The following TRPC4 variants were observed in gnomAD, a reference collection of about 807,000 sequenced individuals.
The protein encoded by TRPC4 is transient receptor potential cation channel subfamily C member 4.
TRPC4 carries 49 observed loss-of-function variants against 99.4 expected under a neutral mutation model. That is an observed-to-expected ratio of 0.49 (90% CI 0.39 to 0.63). The LOEUF (loss-of-function observed/expected upper bound fraction) is 0.63. Among genes scored for constraint, TRPC4 ranks in the 20% least tolerant of loss-of-function variants. TRPC4 has a pLI of 0.00. For synonymous variants in TRPC4, 454 were observed against 425.9 expected (o/e 1.07, Z -0.81); for missense variants, 898 against 1,152.9 (o/e 0.78, Z 3.20).
At chr13:37,744,580 G>A (rs946091574) in intron 3 of TRPC4, among the ~76,000 whole-genome samples, 2 of 152,130 alleles carry the variant, frequency 1.3e-5, no homozygotes, top group Non-Finnish European at 2.9e-5. Context: ...AAAAAATTGA[G>A]AAAGCAAGTT....
chr13:37,725,952 C>G (rs554954131), intron 3 of TRPC4, among the ~76,000 whole-genome samples: 4 of 152,240 alleles, frequency 2.6e-5, no homozygotes, highest in African/African-American at 9.6e-5. Context: ...AATTCCAGCA[C>G]TTTGGGAGGC....
At chr13:37,738,584 A>C (rs1955476701) in intron 3 of TRPC4, among the ~76,000 whole-genome samples, 1 of 152,126 alleles carries the variant, frequency 6.6e-6, no homozygotes, top group Non-Finnish European at 1.5e-5. Context: ...ACTAGTTTGA[A>C]AGTGGGATAT....
At chr13:37,829,873 G>A (rs1185753521) in intron 1 of TRPC4, among the ~76,000 whole-genome samples, 1 of 152,030 alleles carries the variant, frequency 6.6e-6, no homozygotes, top group African/African-American at 2.4e-5. Context: ...TCTAAGTTAG[G>A]GAAGTCAGAC....
At chr13:37,813,903 A>G (rs973587448) in intron 1 of TRPC4, among the ~76,000 whole-genome samples, 5 of 151,866 alleles carry the variant, frequency 3.3e-5, no homozygotes, top group African/African-American at 9.7e-5. Context: ...ACAAGCCAGT[A>G]TATCTATGAA....
chr13:37,691,339 C>T (rs747127020), intron 4 of TRPC4, among the ~76,000 whole-genome samples: 1 of 152,118 alleles, frequency 6.6e-6, no homozygotes, highest in East Asian at 1.9e-4. Flanking sequence ...CTCCTGACCT[C>T]GTGATCCGCC....
intron 3 of TRPC4, among the ~76,000 whole-genome samples, chr13:37,743,342 G>T (rs1425405451): frequency 6.6e-6 from 1 of 152,082 alleles, no homozygotes; most frequent in Non-Finnish European, 1.5e-5. Flanking sequence ...TGAGAGAAGT[G>T]TTGGAAATTA....
At chr13:37,802,988 A>G (rs1309530015) in intron 1 of TRPC4, among the ~76,000 whole-genome samples, 1 of 151,842 alleles carries the variant, frequency 6.6e-6, no homozygotes, top group Non-Finnish European at 1.5e-5. Flanking sequence ...ATTTATCCAT[A>G]TCATTTATTT....
At chr13:37,712,082 G>A (rs193201885) in intron 3 of TRPC4, among the ~76,000 whole-genome samples, 8 of 151,950 alleles carry the variant, frequency 5.3e-5, no homozygotes, top group African/African-American at 1.7e-4. Flanking sequence ...TAGTGGCTAC[G>A]ATATTGGAAA....
At chr13:37,854,955 G>A (rs1959147177) in intron 1 of TRPC4, 1 of 151,832 alleles carries the variant, frequency 6.6e-6, no homozygotes, top group South Asian at 2.1e-4. Context: ...TGAATTCAGG[G>A]TCACATGGCT....
chr13:37,635,209 A>G lies in TRPC4; in HGVS notation c.*1694T>C, dbSNP rs1046774288. 1.3e-5 allele frequency among the ~76,000 whole-genome samples: 2 copies of G among 152,126 alleles called. No homozygotes were observed. The highest frequency in any genetic ancestry group is 2.9e-5 in the Non-Finnish European group (2 of 68,000). ...CAGAAGTGGCAATTGTAACCCCTGT[A>G]TATGCATGTTTTATAACTTGCTCTT... is the stretch of plus-strand genomic sequence containing the variant. On this transcript the variant is annotated 3_prime_UTR_variant, in exon 11 of 11. Transcript: ENST00000379705.
At chr13:37,668,968 T>G in intron 5 of TRPC4, among the ~76,000 whole-genome samples, 1 of 152,104 alleles carries the variant, frequency 6.6e-6, no homozygotes, top group East Asian at 1.9e-4. Context: ...CTTTCTGCCA[T>G]AAAACTAAAG....
At chr13:37,810,549 G>A (rs936641558) in intron 1 of TRPC4, among the ~76,000 whole-genome samples, 1 of 152,062 alleles carries the variant, frequency 6.6e-6, no homozygotes, top group Non-Finnish European at 1.5e-5. Context: ...GGATGGAAGA[G>A]TTCACTCTTG....
intron 1 of TRPC4, among the ~76,000 whole-genome samples, chr13:37,853,244 G>A (rs1414314615): frequency 2.6e-5 from 4 of 152,146 alleles, no homozygotes; most frequent in African/African-American, 9.7e-5. Flanking sequence ...TTCCAGCTGG[G>A]TCAGCCCAGA....
At chr13:37,686,783 T>C (rs1953496588) in intron 4 of TRPC4, among the ~76,000 whole-genome samples, 1 of 152,150 alleles carries the variant, frequency 6.6e-6, no homozygotes, top group African/African-American at 2.4e-5. Context: ...TTACATCTTT[T>C]CCTCAGTTCA....
chr13:37,633,575 T>A lies in TRPC4; in HGVS notation c.*3328A>T, dbSNP rs1453058635. On this transcript the variant is annotated 3_prime_UTR_variant, in exon 11 of 11. Coordinates refer to ENST00000379705, the MANE Select transcript of TRPC4 (RefSeq NM_016179.4). ...GTTTCCTCCACCTTTGCTAGAAAAT[T>A]GACTTTGCTTCTTTGAGAACAGCAT... 6.6e-6 allele frequency among the ~76,000 whole-genome samples: 1 copy of A among 152,198 alleles called. No individual in the cohort carries two copies. Among genetic ancestry groups the A allele is most frequent in the Non-Finnish European group, 1.5e-5 (1 of 68,018 alleles).
At chr13:37,763,366 CT>C in intron 2 of TRPC4, among the ~76,000 whole-genome samples, 1 of 151,564 alleles carries the variant, frequency 6.6e-6, no homozygotes, top group Admixed American at 6.6e-5. Context: ...GAGTTTTCCC[CT>C]GATTGGTTCT....
At chr13:37,858,177 T>C (rs1012207888) in intron 1 of TRPC4, among the ~76,000 whole-genome samples, 1 of 151,580 alleles carries the variant, frequency 6.6e-6, no homozygotes, top group Non-Finnish European at 1.5e-5. Context: ...CCCAACATTA[T>C]TGACCATAAG....
At chr13:37,856,947 G>A (rs1437059336) in intron 1 of TRPC4, among the ~76,000 whole-genome samples, 4 of 151,476 alleles carry the variant, frequency 2.6e-5, no homozygotes, top group African/African-American at 9.7e-5. Flanking sequence ...CATAGAAATG[G>A]GGAAGAATTG....
At position 37,863,365 on chromosome 13, in the gene TRPC4, G is replaced by C. The variant is rs61955714; in HGVS notation, c.-28+6230C>G. 2.9e-3 allele frequency among the ~76,000 whole-genome samples: 447 copies of C among 151,604 alleles called. 4 individuals carry two copies. The highest frequency in any genetic ancestry group is 6.8e-3 in the Admixed American group (104 of 15,216). On this transcript the variant is annotated intron_variant, in intron 1 of 10. Coordinates refer to ENST00000379705, the MANE Select transcript of TRPC4 (RefSeq NM_016179.4). ...ACTCTATACTATTTGATAATAATTT[G>C]TGTCTCACACTCAAGCAGTCTCCCA...
Sources: gnomAD v4.1 joint callset for allele counts (sites outside exome capture counted in the v4.1 genomes callset) on GRCh38, gnomAD v4.1.1 for gene constraint, MANE v1.5 for transcripts, NCBI Gene and HGNC (gene_info 2026-07-23, HGNC 2026-07-21) for gene names.